Variants in DCC observed in about 807,000 individuals in gnomAD.
DCC encodes netrin receptor DCC.
In DCC, 58 loss-of-function variants were observed where a neutral mutation model predicts 172.5. The ratio of observed to expected loss-of-function variants is 0.34; its 90% CI spans 0.27 to 0.42. The LOEUF (loss-of-function observed/expected upper bound fraction) is 0.42. Ranked by LOEUF, DCC falls within the 10% of genes least tolerant of loss-of-function variation. The pLI, the probability that DCC is intolerant of heterozygous loss-of-function variation, is 1.00. For synonymous variants in DCC, 709 were observed against 644.5 expected (o/e 1.10, Z -1.52); for missense variants, 1,740 against 1,791.0 (o/e 0.97, Z 0.51).
chr18:53,023,205 C>T (rs1194607140), intron 5 of DCC, among the ~76,000 whole-genome samples: 14 of 151,282 alleles, frequency 9.3e-5, no homozygotes, highest in Admixed American at 7.9e-4. Flanking sequence ...TTTATATAAC[C>T]ACAAAAATTG....
At chr18:53,357,877 T>C (rs889271180) in intron 15 of DCC, among the ~76,000 whole-genome samples, 2 of 152,186 alleles carry the variant, frequency 1.3e-5, no homozygotes, top group Non-Finnish European at 2.9e-5. Flanking sequence ...GTATAAGCCA[T>C]TCTAGAAGGA....
At chr18:53,426,329 T>G (rs942013812) in intron 21 of DCC, among the ~76,000 whole-genome samples, 27 of 144,654 alleles carry the variant, frequency 1.9e-4, no homozygotes, top group African/African-American at 6.8e-4. Flanking sequence ...ATTTATAAAT[T>G]TTATGATATA....
chr18:52,828,392 GAC>G (rs1287754956), intron 2 of DCC, among the ~76,000 whole-genome samples: 2 of 151,896 alleles, frequency 1.3e-5, no homozygotes, highest in African/African-American at 2.4e-5. Context: ...GCCACCAAAA[GAC>G]ACTTACAACC....
At chr18:52,610,316 T>A (rs1598954906) in intron 1 of DCC, among the ~76,000 whole-genome samples, 1 of 117,370 alleles carries the variant, frequency 8.5e-6, no homozygotes, top group Admixed American at 1.0e-4. Flanking sequence ...GGAGGCAGAG[T>A]TTGCAGTGAG....
chr18:53,351,333 C>T (rs1477332083), intron 15 of DCC, among the ~76,000 whole-genome samples: 231 of 21,222 alleles, frequency 0.011, 28 homozygotes, highest in African/African-American at 0.03. Flanking sequence ...TATATATATA[C>T]AGTGTATATA....
chr18:52,359,289 A>G (rs960782975), intron 1 of DCC, among the ~76,000 whole-genome samples: 1 of 152,210 alleles, frequency 6.6e-6, no homozygotes, highest in African/African-American at 2.4e-5. Flanking sequence ...AATGGTTAAT[A>G]TTTATGAAAT....
At chr18:52,482,522 C>T (rs1212174293) in intron 1 of DCC, among the ~76,000 whole-genome samples, 1 of 152,100 alleles carries the variant, frequency 6.6e-6, no homozygotes, top group Non-Finnish European at 1.5e-5. Flanking sequence ...CTGATGAGAG[C>T]TGTTTCTGTT....
chr18:52,906,519 TTC>T (rs1293344690), intron 3 of DCC, among the ~76,000 whole-genome samples, 191 bp downstream of exon 3: 65 of 152,130 alleles, frequency 4.3e-4, no homozygotes, highest in Middle Eastern at 6.8e-3. Flanking sequence ...TTTTTTTTTT[TTC>T]ATGTCTTGTT....
chr18:52,411,752 G>C (rs755765110), intron 1 of DCC, among the ~76,000 whole-genome samples: 19 of 152,114 alleles, frequency 1.2e-4, no homozygotes, highest in Non-Finnish European at 2.6e-4. Flanking sequence ...AAATGTCTCT[G>C]TCTGCCAAAC....
chr18:52,860,923 C>T (rs938194363), intron 2 of DCC, among the ~76,000 whole-genome samples: 1 of 150,808 alleles, frequency 6.6e-6, no homozygotes, highest in African/African-American at 2.4e-5. Context: ...GGAGATATAC[C>T]TAGAACCTGC....
intron 1 of DCC, among the ~76,000 whole-genome samples, chr18:52,718,375 C>A (rs1237464736): frequency 1.3e-5 from 2 of 151,994 alleles, no homozygotes; most frequent in Non-Finnish European, 1.5e-5. Context: ...TTTTTCCTTG[C>A]AAAAATCAAA....
chr18:52,555,434 ATTTAGTG>A (rs2032890649), intron 1 of DCC, among the ~76,000 whole-genome samples: 1 of 152,102 alleles, frequency 6.6e-6, no homozygotes, highest in Non-Finnish European at 1.5e-5. Context: ...ATGTTTCCTA[ATTTAGTG>A]AATACAGAAT....
intron 25 of DCC, among the ~76,000 whole-genome samples, chr18:53,484,228 G>A (rs1210198661): frequency 6.6e-6 from 1 of 151,810 alleles, no homozygotes; most frequent in African/African-American, 2.4e-5. Context: ...ACTTGCAGAA[G>A]TATTTGTTAC....
At chr18:53,335,145 C>T (rs1424717940) in intron 14 of DCC, among the ~76,000 whole-genome samples, 3 of 152,158 alleles carry the variant, frequency 2.0e-5, no homozygotes, top group Non-Finnish European at 2.9e-5. Context: ...ATACCAAACT[C>T]ATCCCTGCAG....
At chr18:53,060,341 G>C (rs1289625305) in intron 5 of DCC, among the ~76,000 whole-genome samples, 2 of 151,982 alleles carry the variant, frequency 1.3e-5, no homozygotes, top group African/African-American at 2.4e-5. Flanking sequence ...ACTCATTTCT[G>C]ATTCACAATA....
intron 5 of DCC, among the ~76,000 whole-genome samples, chr18:52,987,948 A>G (rs1488420303): frequency 2.0e-5 from 3 of 152,266 alleles, no homozygotes; most frequent in African/African-American, 7.2e-5. Flanking sequence ...GCCCAGCAAG[A>G]AACTCAAGCT....
intron 5 of DCC, among the ~76,000 whole-genome samples, chr18:52,943,137 A>T (rs1420325281): frequency 6.6e-6 from 1 of 152,098 alleles, no homozygotes; most frequent in Admixed American, 6.6e-5. Flanking sequence ...TTTTAGTGCA[A>T]CTCAGAAGAT....
At position 52,580,881 on chromosome 18, in the gene DCC, C is replaced by G. The variant is rs149767790; in HGVS notation, c.92-171173C>G. 2.0e-4 allele frequency among the ~76,000 whole-genome samples: 31 copies of G among 152,272 alleles called. No homozygotes were observed. The East Asian group carries it at 5.8e-3, about 28-fold the overall frequency. On this transcript the variant is annotated intron_variant, in intron 1 of 28. Coordinates refer to ENST00000442544, the MANE Select transcript of DCC (RefSeq NM_005215.4). ...ACCACTGTGGTATTCACACTAGAAC[C>G]AGGTTTCCAAGATTAGCTATCAGTA... is the stretch of plus-strand genomic sequence containing the variant.
intron 5 of DCC, among the ~76,000 whole-genome samples, chr18:52,928,691 G>A (rs1486616400): frequency 1.3e-5 from 2 of 152,100 alleles, no homozygotes; most frequent in African/African-American, 2.4e-5. Context: ...TACGTAGGTC[G>A]AGCCCATTAG....
Sources: gnomAD v4.1 joint callset for allele counts (sites outside exome capture counted in the v4.1 genomes callset) on GRCh38, gnomAD v4.1.1 for gene constraint, MANE v1.5 for transcripts, NCBI Gene and HGNC (gene_info 2026-07-23, HGNC 2026-07-21) for gene names.